CELF2: variants seen among roughly 807,000 people sequenced by gnomAD.
The protein encoded by CELF2 is CUG triplet repeat RNA-binding protein 2.
CELF2 carries 8 observed loss-of-function variants against 62.6 expected under a neutral mutation model. The observed-to-expected ratio is 0.13, with a 90% CI of 0.07 to 0.23. The LOEUF is 0.23. CELF2 is among the 10% of genes least tolerant of loss of function. CELF2 has a pLI of 1.00. For missense variants in CELF2, 333 were observed against 671.0 expected (o/e 0.50, Z 5.56); for synonymous variants, 258 against 250.0 (o/e 1.03, Z -0.30).
At chr10:11,293,193 C>T (rs1011732629) in intron 9 of CELF2, among the ~76,000 whole-genome samples, 1 of 152,210 alleles carries the variant, frequency 6.6e-6, no homozygotes, top group Non-Finnish European at 1.5e-5. Context: ...AGAACATCTC[C>T]CCCATTTCCT....
At position 11,331,816 on chromosome 10, in the gene CELF2, C is replaced by T. The variant is rs1269579175; in HGVS notation, c.*2763C>T. The T allele has an allele frequency of 6.6e-6, 1 of 152,596 alleles. No homozygotes were observed. Among genetic ancestry groups the T allele is most frequent in the Non-Finnish European group, 1.5e-5 (1 of 68,038 alleles). 9.5% of individuals were successfully genotyped at this position (152,596 alleles called of 1,614,324 possible). Reference sequence around the variant, plus strand: ...TATTTTCTTCATAATCTATGGAAACCTCTAAGGTGAGAAAGTTTTGAACTT... The same window carrying T: ...TATTTTCTTCATAATCTATGGAAACTTCTAAGGTGAGAAAGTTTTGAACTT... On this transcript the variant is annotated 3_prime_UTR_variant, in exon 13 of 13. Transcript: ENST00000633077.
At chr10:11,079,976 T>C (rs1160192425) in intron 1 of CELF2, among the ~76,000 whole-genome samples, 1 of 152,118 alleles carries the variant, frequency 6.6e-6, no homozygotes, top group Non-Finnish European at 1.5e-5. Flanking sequence ...AAGAAAAAAA[T>C]GAAATGGAAC....
intron 1 of CELF2, among the ~76,000 whole-genome samples, chr10:10,843,962 T>A (rs572126001): frequency 3.7e-4 from 57 of 152,086 alleles, no homozygotes; most frequent in African/African-American, 1.3e-3. Flanking sequence ...TAAGATATTG[T>A]GGAAGGGAAT....
intron 12 of CELF2, among the ~76,000 whole-genome samples, 185 bp downstream of exon 12, chr10:11,326,164 C>T (rs1022199520): frequency 1.1e-4 from 17 of 152,334 alleles, no homozygotes; most frequent in South Asian, 6.2e-4. Context: ...TTAAAGTCAA[C>T]GCCCATACAT....
intron 1 of CELF2, among the ~76,000 whole-genome samples, chr10:11,045,040 G>A (rs887737583): frequency 6.6e-6 from 1 of 152,170 alleles, no homozygotes; most frequent in African/African-American, 2.4e-5. Context: ...ATTAACTTTG[G>A]TGAAGATAAT....
At chr10:10,693,927 A>C in the CELF2 span, among the ~76,000 whole-genome samples, 1,134 of 150,912 alleles carry the variant, frequency 7.5e-3, 6 homozygotes, top group African/African-American at 0.01. Flanking sequence ...TCTTGCTAGC[A>C]ATCTACCTAT....
intron 10 of CELF2, among the ~76,000 whole-genome samples, chr10:11,320,519 T>C (rs2095373905): frequency 6.6e-6 from 1 of 152,180 alleles, no homozygotes; most frequent in African/African-American, 2.4e-5. Flanking sequence ...GTGGGAAGGG[T>C]CCACATGGCT....
rs563876124 is a variant in CELF2 at position 11,234,596 on chromosome 10, G to C, written c.355-14557G>C. Among the ~76,000 whole-genome samples the C allele has an allele frequency of 4.0e-3, 261 of 65,778 alleles. 2 individuals carry two copies. Among genetic ancestry groups the C allele is most frequent in the Non-Finnish European group, 0.011 (219 of 19,476 alleles). The allele number at this position is 65,778 out of a possible 152,430, so 43.2% of individuals were successfully genotyped here. A position where few individuals can be genotyped will look rare whatever the true frequency, so the allele number is the denominator to read the frequency against. ...AATCGGGAGGTTGAGGCAGGAGAAT[G>C]GCGTGAACCCGGGGGGCGGAGCCTG... On this transcript the variant is annotated intron_variant, in intron 3 of 12. Coordinates refer to ENST00000633077, the MANE Select transcript of CELF2 (RefSeq NM_001326342.2).
the CELF2 span, among the ~76,000 whole-genome samples, chr10:10,561,844 CAG>C: frequency 6.6e-6 from 1 of 152,198 alleles, no homozygotes; most frequent in Non-Finnish European, 1.5e-5. Flanking sequence ...TCAGTAGAGA[CAG>C]AGAACAAGGG....
At chr10:10,543,326 G>C in the CELF2 span, among the ~76,000 whole-genome samples, 6 of 152,032 alleles carry the variant, frequency 3.9e-5, no homozygotes, top group African/African-American at 1.4e-4. Flanking sequence ...AAAAAAGCAA[G>C]TCTCAAAATT....
At chr10:10,902,301 G>A (rs1355733274) in intron 1 of CELF2, among the ~76,000 whole-genome samples, 1 of 152,200 alleles carries the variant, frequency 6.6e-6, no homozygotes, top group Non-Finnish European at 1.5e-5. Context: ...AATGTTCATA[G>A]CAACTCTATT....
Position 11,311,545 on chromosome 10 carries a change from TTA to T in CELF2, c.977-2593_977-2592del, listed in dbSNP as rs1459238747. ...TATTAGACCTCAGATATTAGCATTA[TTA>T]GCATACAACAGAAAGGAAATACAGC... On this transcript the variant is annotated intron_variant, in intron 9 of 12. Transcript: ENST00000633077. This position sits in a 1 kb window ranked among gnomAD's most constrained non-coding sequence, Gnocchi z 4.7. Among the ~76,000 whole-genome samples the T allele has an allele frequency of 1.3e-5, 2 of 152,310 alleles. No individual in the cohort carries two copies. Among genetic ancestry groups the T allele is most frequent in the East Asian group, 3.9e-4 (2 of 5,192 alleles).
intron 1 of CELF2, among the ~76,000 whole-genome samples, chr10:11,027,707 G>A (rs1282983382): frequency 6.6e-6 from 1 of 152,204 alleles, no homozygotes; most frequent in Non-Finnish European, 1.5e-5. Context: ...GCACCAGAGT[G>A]GAAGGGCATC....
At chr10:10,792,315 T>G in the CELF2 span, 1 of 397,960 alleles carries the variant, frequency 2.5e-6, no homozygotes, top group South Asian at 1.3e-4. Context: ...TAACTTTACT[T>G]AGGTCTGCTG....
chr10:11,163,828 C>G (rs183693551), intron 1 of CELF2, among the ~76,000 whole-genome samples: 1 of 152,178 alleles, frequency 6.6e-6, no homozygotes, highest in Non-Finnish European at 1.5e-5. Flanking sequence ...TTTTTCCTTA[C>G]CCCGTAGGGT....
At chr10:11,127,078 G>A (rs181674835) in intron 1 of CELF2, among the ~76,000 whole-genome samples, 14 of 152,112 alleles carry the variant, frequency 9.2e-5, no homozygotes, top group Admixed American at 2.6e-4. Context: ...CCCACTATGT[G>A]ATGTTCCCTG....
chr10:11,331,295 AAG>A lies in CELF2; in HGVS notation c.*2244_*2245del, dbSNP rs1194225750. ...GTTTACTTAATACAAAAAAAAAAAA[AAG>A]AATTTCAAAAAAAAAAGTTGTTTGC... On this transcript the variant is annotated 3_prime_UTR_variant, in exon 13 of 13. Coordinates refer to ENST00000633077, the MANE Select transcript of CELF2 (RefSeq NM_001326342.2). The A allele has an allele frequency of 1.5e-4, 23 of 152,076 alleles. No homozygotes were observed. Among genetic ancestry groups the A allele is most frequent in the Admixed American group, 4.6e-4 (7 of 15,274 alleles). 9.4% of individuals were successfully genotyped at this position (152,076 alleles called of 1,614,324 possible).
the CELF2 span, among the ~76,000 whole-genome samples, chr10:10,570,423 A>T: frequency 6.6e-6 from 1 of 152,228 alleles, no homozygotes; most frequent in Non-Finnish European, 1.5e-5. Context: ...TAAGTCAACA[A>T]GCAAAACACA....
chr10:10,721,547 C>T, the CELF2 span, among the ~76,000 whole-genome samples: 1 of 152,202 alleles, frequency 6.6e-6, no homozygotes, highest in Non-Finnish European at 1.5e-5. Flanking sequence ...CACCTTAGCC[C>T]TTTCTTATCT....
Sources: allele counts gnomAD v4.1 joint callset (sites outside exome capture counted in the v4.1 genomes callset), GRCh38; gene constraint gnomAD v4.1.1; non-coding constraint Gnocchi (gnomAD v3.1); transcripts MANE v1.5; gene names NCBI Gene and HGNC (gene_info 2026-07-23, HGNC 2026-07-21).